PMM2: variants seen among roughly 807,000 people sequenced by gnomAD.
PMM2 encodes the protein phosphomannomutase 2, also known as mannose-6-phosphate isomerase.
Under a neutral mutation model 33.2 loss-of-function variants are expected in PMM2, and 35 were observed. The observed-to-expected ratio is 1.06, with a 90% confidence interval of 0.81 to 1.40. PMM2 has a LOEUF of 1.40. Among genes scored for constraint, PMM2 ranks in the 40% most tolerant of loss-of-function variants. The pLI is 0.00. For missense variants in PMM2, 386 were observed against 306.0 expected, an observed-to-expected ratio of 1.26 and a Z score of -1.95; for synonymous variants, 153 against 114.7, an observed-to-expected ratio of 1.33 and a Z score of -2.13.
intron 5 of PMM2, 108 bp from the exon 6 acceptor site, chr16:8,811,530 A>G: frequency 2.5e-6 from 2 of 793,942 alleles, no homozygotes; most frequent in Non-Finnish European, 4.3e-6. Context: ...CAAAAACTAA[A>G]CAAATAAATA....
Position 8,848,078 on chromosome 16 carries a change from C to G in PMM2, c.*253C>G, listed in dbSNP as rs1360543839. Reference sequence around the variant, plus strand: ...GTCTTCCCCACCCACCCCCAGCCCCCTAGTCTAATACCCACCCTGATACGT... The same window carrying G: ...GTCTTCCCCACCCACCCCCAGCCCCGTAGTCTAATACCCACCCTGATACGT... On this transcript the variant is annotated 3_prime_UTR_variant, in exon 8 of 8. Coordinates refer to ENST00000268261, the MANE Select transcript of PMM2 (RefSeq NM_000303.3). 2.0e-6 allele frequency: 1 copy of G among 508,280 alleles called. No individual in the cohort carries two copies. The highest frequency in any genetic ancestry group is 2.0e-5 in the South Asian group (1 of 49,760). The allele number at this position is 508,280 out of a possible 1,614,324, so 31.5% of individuals were successfully genotyped here.
intron 4 of PMM2, chr16:8,810,061 T>G (rs994336005): frequency 6.6e-6 from 1 of 152,204 alleles, no homozygotes; most frequent in Non-Finnish European, 1.5e-5. Flanking sequence ...TTCACCCACC[T>G]TGGCCTCCCA....
At chr16:8,820,949 C>T (rs1193943073) in intron 7 of PMM2, among the ~76,000 whole-genome samples, 1 of 152,166 alleles carries the variant, frequency 6.6e-6, no homozygotes, top group Non-Finnish European at 1.5e-5. Flanking sequence ...TGAACCATGT[C>T]CTCCTGTCCT....
At chr16:8,833,414 A>T (rs2060823020) in intron 7 of PMM2, among the ~76,000 whole-genome samples, 1 of 152,326 alleles carries the variant, frequency 6.6e-6, no homozygotes, top group East Asian at 1.9e-4. Flanking sequence ...ATCTGGATGT[A>T]TACGTGCAAG....
intron 7 of PMM2, among the ~76,000 whole-genome samples, chr16:8,816,271 C>T (rs1172117489): frequency 3.3e-5 from 5 of 151,958 alleles, no homozygotes; most frequent in African/African-American, 7.2e-5. Context: ...GGATTACAGG[C>T]GCCCGCCACC....
intron 7 of PMM2, among the ~76,000 whole-genome samples, chr16:8,833,233 C>T (rs2060821953): frequency 6.6e-6 from 1 of 152,158 alleles, no homozygotes; most frequent in Non-Finnish European, 1.5e-5. Context: ...AGGAGTGGAT[C>T]TCACAAAGTA....
At chr16:8,844,550 T>A (rs1403230723) in intron 7 of PMM2, among the ~76,000 whole-genome samples, 1 of 151,954 alleles carries the variant, frequency 6.6e-6, no homozygotes, top group East Asian at 1.9e-4. Context: ...GGGGTTGGGG[T>A]CCTTGCCCCT....
At chr16:8,828,471 C>G (rs1426409777) in intron 7 of PMM2, among the ~76,000 whole-genome samples, 1 of 152,154 alleles carries the variant, frequency 6.6e-6, no homozygotes, top group African/African-American at 2.4e-5. Context: ...ACTGGTCTTC[C>G]TGGGAATCCA....
At chr16:8,806,812 T>C (rs1271832392) in intron 4 of PMM2, 1 of 233,842 alleles carries the variant, frequency 4.3e-6, no homozygotes, top group African/African-American at 2.3e-5. Flanking sequence ...AGGCTGTCAG[T>C]GAGAGGAAAC....
chr16:8,826,179 A>AG (rs1457056560), intron 7 of PMM2, among the ~76,000 whole-genome samples: 2 of 151,944 alleles, frequency 1.3e-5, no homozygotes, highest in East Asian at 3.8e-4. Context: ...TCACACACAG[A>AG]GTTGTTCACA....
intron 7 of PMM2, among the ~76,000 whole-genome samples, chr16:8,833,177 T>C (rs905699425): frequency 3.9e-5 from 6 of 152,164 alleles, no homozygotes; most frequent in Non-Finnish European, 7.4e-5. Flanking sequence ...TTAGTTCTTA[T>C]GGGTTTTGGG....
At chr16:8,832,237 G>C in intron 7 of PMM2, 1 of 985,430 alleles carries the variant, frequency 1.0e-6, no homozygotes, top group Non-Finnish European at 1.2e-6. Flanking sequence ...AGAAAGGAAG[G>C]CCTGAGGCAG....
At chr16:8,821,612 C>G (rs2060739902) in intron 7 of PMM2, among the ~76,000 whole-genome samples, 1 of 152,230 alleles carries the variant, frequency 6.6e-6, no homozygotes, top group Non-Finnish European at 1.5e-5. Context: ...GAGCTGTCTC[C>G]TCTGCCCTTG....
intron 7 of PMM2, among the ~76,000 whole-genome samples, chr16:8,827,372 T>A (rs1044341675): frequency 2.0e-5 from 3 of 151,016 alleles, no homozygotes; most frequent in Admixed American, 2.0e-4. Context: ...CACAAAGGCC[T>A]TTTTTTTATT....
chr16:8,832,140 C>T (rs896607445), intron 7 of PMM2: 16 of 985,226 alleles, frequency 1.6e-5, no homozygotes, highest in African/African-American at 1.4e-4. Context: ...TATGCAAGCT[C>T]GACACAGCCC....
At chr16:8,818,912 T>A (rs917311932) in intron 7 of PMM2, among the ~76,000 whole-genome samples, 4 of 150,092 alleles carry the variant, frequency 2.7e-5, no homozygotes, top group African/African-American at 7.6e-5. Flanking sequence ...ACACCACACA[T>A]GGCTCTGCAT....
rs111954325 is a variant in PMM2, at chr16:8,838,644, T to C, written c.640-9080T>C. On this transcript the variant is annotated intron_variant, in intron 7 of 7. Transcript: ENST00000268261. ...TGTTGTATAGAATGATTGGTGATGGTCTGGATACAGTTTTGGATGAATTGA... is the reference window on the plus strand; with the variant it reads ...TGTTGTATAGAATGATTGGTGATGGCCTGGATACAGTTTTGGATGAATTGA... 3.1e-3 allele frequency among the ~76,000 whole-genome samples: 472 copies of C among 151,294 alleles called. 5 individuals carry two copies. The highest frequency in any genetic ancestry group is 0.015 in the East Asian group (76 of 5,156).
At chr16:8,827,566 T>C (rs1312075324) in intron 7 of PMM2, among the ~76,000 whole-genome samples, 2 of 148,660 alleles carry the variant, frequency 1.3e-5, no homozygotes, top group African/African-American at 5.0e-5. Context: ...TGGCTAATTT[T>C]TGTATTTTTA....
At chr16:8,847,281 C>T (rs557429514) in intron 7 of PMM2, among the ~76,000 whole-genome samples, 41 of 152,054 alleles carry the variant, frequency 2.7e-4, no homozygotes, top group Non-Finnish European at 5.0e-4. Flanking sequence ...GATGTCGCCA[C>T]GTCCCTCATC....
Sources: allele counts gnomAD v4.1 joint callset (sites outside exome capture counted in the v4.1 genomes callset), GRCh38; gene constraint gnomAD v4.1.1; transcripts MANE v1.5; gene names NCBI Gene and HGNC (gene_info 2026-07-23, HGNC 2026-07-21).